Variants in STAU1 observed in about 807,000 individuals in gnomAD.
The protein encoded by STAU1 is double-stranded RNA-binding protein Staufen homolog 1.
A neutral mutation model predicts 62.9 loss-of-function variants in STAU1; 13 were observed. The ratio of observed to expected loss-of-function variants is 0.21; its 90% CI spans 0.13 to 0.33. STAU1 has a LOEUF of 0.33. Ranked by LOEUF, STAU1 falls within the 10% of genes least tolerant of loss-of-function variation. STAU1 has a pLI of 1.00. For synonymous variants in STAU1, 269 were observed against 265.1 expected (o/e 1.01, Z -0.14); for missense variants, 571 against 712.1 (o/e 0.80, Z 2.25).
chr20:49,163,419 C>CTTTTTTT (rs200864480), intron 3 of STAU1, among the ~76,000 whole-genome samples: 25 of 82,428 alleles, frequency 3.0e-4, no homozygotes, highest in East Asian at 1.5e-3. Flanking sequence ...GTGTTTAAAC[C>CTTTTTTT]TTTTTTTTTT....
At chr20:49,149,269 C>CACACACACACACAT (rs2093194533) in intron 5 of STAU1, among the ~76,000 whole-genome samples, 1 of 150,692 alleles carries the variant, frequency 6.6e-6, no homozygotes, top group Non-Finnish European at 1.5e-5. Context: ...CACACACACA[C>CACACACACACACAT]ACACACACAC....
At chr20:49,158,573 G>C in intron 3 of STAU1, 1 of 1,156,746 alleles carries the variant, frequency 8.6e-7, no homozygotes. Context: ...ACTTTGGGAG[G>C]CCAAGGCAGG....
chr20:49,171,749 G>A (rs182122719), intron 2 of STAU1, among the ~76,000 whole-genome samples: 25 of 152,188 alleles, frequency 1.6e-4, no homozygotes, highest in African/African-American at 5.8e-4. Context: ...CCTGCAGGCA[G>A]GGCAGACGCT....
intron 2 of STAU1, among the ~76,000 whole-genome samples, chr20:49,172,120 A>G (rs1014026582): frequency 2.0e-5 from 3 of 152,178 alleles, no homozygotes; most frequent in African/African-American, 7.2e-5. Context: ...CACTTGGCCC[A>G]ATGCCATGGG....
the STAU1 span, among the ~76,000 whole-genome samples, chr20:49,204,626 GTATATA>G: frequency 1.3e-4 from 6 of 44,682 alleles, no homozygotes; most frequent in Admixed American, 4.4e-4. Context: ...ATATATATGT[GTATATA>G]TATATATATA....
At chr20:49,171,534 G>A (rs1446710083) in intron 2 of STAU1, among the ~76,000 whole-genome samples, 7 of 152,138 alleles carry the variant, frequency 4.6e-5, no homozygotes, top group Non-Finnish European at 7.3e-5. Flanking sequence ...TGATCCGCCT[G>A]CCTCGGCCTC....
At chr20:49,167,108 C>T (rs980069499) in intron 2 of STAU1, among the ~76,000 whole-genome samples, 1 of 152,088 alleles carries the variant, frequency 6.6e-6, no homozygotes, top group Non-Finnish European at 1.5e-5. Flanking sequence ...ATAATGAAGG[C>T]ATTACTTCTA....
At chr20:49,125,218 A>C (rs1306694829) in intron 6 of STAU1, among the ~76,000 whole-genome samples, 5 of 146,714 alleles carry the variant, frequency 3.4e-5, no homozygotes, top group Admixed American at 6.8e-5. Context: ...AAAAAAAAAA[A>C]AAAAAACGAA....
In STAU1 at chr20:49,136,112, TAAAACAAAAACA is replaced by T. The variant is rs112762845; in HGVS notation, c.511-193_511-182del. On this transcript the variant is annotated intron_variant, in intron 5 of 13. Coordinates refer to ENST00000371856, the MANE Select transcript of STAU1 (RefSeq NM_017453.4). ...AGACCAGCCTGAGCAACCTTGTCTC[TAAAACAAAAACA>T]AAAACAAAAACAAAAAAACAAAACT... Among the ~76,000 whole-genome samples the T allele has an allele frequency of 2.0e-4, 31 of 151,896 alleles. 2 individuals are homozygous for T. The highest frequency in any genetic ancestry group is 5.3e-4 in the African/African-American group (22 of 41,356).
At chr20:49,198,608 T>A in the STAU1 span, among the ~76,000 whole-genome samples, 1 of 151,930 alleles carries the variant, frequency 6.6e-6, no homozygotes, top group Non-Finnish European at 1.5e-5. Context: ...GACAGACAGA[T>A]CACTTGAGGT....
At chr20:49,140,918 G>A (rs1453239262) in intron 5 of STAU1, among the ~76,000 whole-genome samples, 1 of 145,906 alleles carries the variant, frequency 6.9e-6, no homozygotes, top group African/African-American at 2.5e-5. Context: ...GTGCACAACA[G>A]AATAAAGCTT....
the STAU1 span, among the ~76,000 whole-genome samples, chr20:49,208,494 T>C: frequency 6.8e-6 from 1 of 147,676 alleles, no homozygotes; most frequent in Non-Finnish European, 1.5e-5. Flanking sequence ...TGAGCCACCA[T>C]GCCTGGCACA....
At chr20:49,209,773 G>C in the STAU1 span, among the ~76,000 whole-genome samples, 1 of 151,886 alleles carries the variant, frequency 6.6e-6, no homozygotes, top group Non-Finnish European at 1.5e-5. Flanking sequence ...AATTGGCCAG[G>C]TGTGGTGGCT....
the STAU1 span, among the ~76,000 whole-genome samples, chr20:49,206,499 G>A: frequency 3.3e-5 from 4 of 122,294 alleles, no homozygotes; most frequent in African/African-American, 6.5e-5. Context: ...CTGGGCCACC[G>A]TGCCCGGCCA....
the STAU1 span, among the ~76,000 whole-genome samples, chr20:49,205,512 C>T: frequency 2.7e-5 from 4 of 150,770 alleles, no homozygotes; most frequent in Non-Finnish European, 4.4e-5. Flanking sequence ...ATTACAGGCA[C>T]GCACCTCCAT....
the STAU1 span, among the ~76,000 whole-genome samples, chr20:49,193,729 G>A: frequency 9.9e-5 from 15 of 152,212 alleles, no homozygotes; most frequent in Non-Finnish European, 1.8e-4. Context: ...AGCACTTTGG[G>A]AGGCCAAGGC....
chr20:49,128,042 G>A (rs559506601), intron 6 of STAU1, among the ~76,000 whole-genome samples: 16 of 152,000 alleles, frequency 1.1e-4, no homozygotes, highest in African/African-American at 3.1e-4. Flanking sequence ...CCAGCTACTC[G>A]GGAGGCTGAG....
chr20:49,164,035 G>C (rs1307793779), intron 3 of STAU1, among the ~76,000 whole-genome samples: 1 of 152,088 alleles, frequency 6.6e-6, no homozygotes, highest in Non-Finnish European at 1.5e-5. Flanking sequence ...AGTTGGAGAT[G>C]AGCCTGGGCA....
intron 6 of STAU1, among the ~76,000 whole-genome samples, chr20:49,128,948 A>C (rs2092692363): frequency 6.6e-6 from 1 of 152,128 alleles, no homozygotes; most frequent in Non-Finnish European, 1.5e-5. Context: ...AACTATAAAA[A>C]ATTTAACAAA....
Sources: gnomAD v4.1 joint callset for allele counts (sites outside exome capture counted in the v4.1 genomes callset) on GRCh38, gnomAD v4.1.1 for gene constraint, MANE v1.5 for transcripts, NCBI Gene and HGNC (gene_info 2026-07-23, HGNC 2026-07-21) for gene names.